FADS2: variants seen among roughly 807,000 people sequenced by gnomAD.
The protein encoded by FADS2 is acyl-CoA 6-desaturase.
A neutral mutation model predicts 61.2 loss-of-function variants in FADS2; 18 were observed. The ratio of observed to expected loss-of-function variants is 0.29; its 90% CI spans 0.20 to 0.44. The LOEUF is 0.44. Ranked by LOEUF, FADS2 falls within the 20% of genes least tolerant of loss-of-function variation. The pLI is 1.00. For synonymous variants in FADS2, 203 were observed against 223.9 expected (o/e 0.91, Z 0.83); for missense variants, 322 against 572.7 (o/e 0.56, Z 4.47).
At position 61,857,062 on chromosome 11, in the gene FADS2, T is replaced by G; in HGVS notation, c.796T>G (p.Phe266Val). The G allele has an allele frequency of 6.2e-7, 1 of 1,613,890 alleles. No individual in the cohort carries two copies. Reference sequence around the variant, plus strand: ...GCCCTACAATCACCAGCACGAATACTTCTTCCTGAGTGAGTGCTCGGCGCC... The same window carrying G: ...GCCCTACAATCACCAGCACGAATACGTCTTCCTGAGTGAGTGCTCGGCGCC... ...YLPYNHQHEY[F>V]FLIGPPLLIP... Residue 266 changes from phenylalanine (F) to valine (V), a missense_variant, in exon 6 of 12, where the codon TTC becomes GTC. Physicochemically the swap from Phe to Val is conservative, Grantham distance 50. Around this residue, in one of 3 missense-constraint regions of FADS2, gnomAD observed 221 missense variants for 427.9 expected, o/e 0.52. Coordinates refer to ENST00000278840, the MANE Select transcript of FADS2 (RefSeq NM_004265.4).
intron 1 of FADS2, among the ~76,000 whole-genome samples, chr11:61,832,945 C>G (rs1181015294): frequency 6.6e-6 from 1 of 152,184 alleles, no homozygotes; most frequent in Non-Finnish European, 1.5e-5. Flanking sequence ...ATGGGCACGG[C>G]CATAAACAAA....
At chr11:61,817,341 C>T (rs1042143297) in intron 1 of FADS2, 4 of 190,982 alleles carry the variant, frequency 2.1e-5, no homozygotes, top group Non-Finnish European at 3.2e-5. Context: ...CTGCTTGCCA[C>T]GTCGTGCCGC....
chr11:61,841,483 G>A (rs2067216410), intron 4 of FADS2, among the ~76,000 whole-genome samples: 1 of 150,898 alleles, frequency 6.6e-6, no homozygotes. Context: ...AGAATTGCTT[G>A]AGCCCAGGAG....
intron 4 of FADS2, among the ~76,000 whole-genome samples, chr11:61,842,046 C>T (rs567977407): frequency 6.6e-6 from 1 of 152,346 alleles, no homozygotes; most frequent in Non-Finnish European, 1.5e-5. Flanking sequence ...CTATCCCCAT[C>T]CCAGCCTGAC....
At chr11:61,824,553 T>C (rs1044460376), upstream of FADS2, among the ~76,000 whole-genome samples, 2 of 150,652 alleles carry the variant, frequency 1.3e-5, no homozygotes, top group Non-Finnish European at 3.0e-5. Context: ...CTTTTTATCA[T>C]GAGGAAACTG....
rs372068803 is a variant in FADS2 at position 61,820,420 on chromosome 11, A to T, written c.141+3994A>T. On this transcript the variant is annotated intron_variant, in intron 1 of 11. Coordinates refer to the FADS2 transcript ENST00000257261. The stretch of plus-strand genomic sequence containing the variant: ...TAAATTCATCTTACTCAGGATTTAA[A>T]CAGCTTATATGACATGACTTTGCAT... 8.1e-4 allele frequency among the ~76,000 whole-genome samples: 124 copies of T among 152,150 alleles called. 1 individual carries two copies. The highest frequency in any genetic ancestry group is 1.6e-3 in the Non-Finnish European group (108 of 68,032).
At chr11:61,864,639 C>G (rs1405109162) in intron 10 of FADS2, among the ~76,000 whole-genome samples, 1 of 152,176 alleles carries the variant, frequency 6.6e-6, no homozygotes, top group Non-Finnish European at 1.5e-5. Flanking sequence ...AAGTGATCCA[C>G]CTGCGTTGGC....
chr11:61,841,803 G>C (rs2067219012), intron 4 of FADS2, among the ~76,000 whole-genome samples: 1 of 152,122 alleles, frequency 6.6e-6, no homozygotes, highest in Non-Finnish European at 1.5e-5. Flanking sequence ...GCCTCAGATA[G>C]GGGACACCAA....
At chr11:61,842,166 A>C (rs576542189) in intron 4 of FADS2, among the ~76,000 whole-genome samples, 15 of 152,282 alleles carry the variant, frequency 9.9e-5, no homozygotes, top group Admixed American at 7.2e-4. Flanking sequence ...TCTTCCACCC[A>C]GACCGCAACG....
intron 10 of FADS2, 84 bp downstream of exon 10, chr11:61,863,870 G>A: frequency 9.3e-7 from 1 of 1,078,000 alleles, no homozygotes; most frequent in South Asian, 1.3e-5. Flanking sequence ...TGCAGAATGT[G>A]GGGGCCACCT....
chr11:61,835,538 C>T (rs1419815412), intron 1 of FADS2, among the ~76,000 whole-genome samples: 1 of 151,216 alleles, frequency 6.6e-6, no homozygotes, highest in African/African-American at 2.4e-5. Context: ...GGATTACGGG[C>T]GTGTGCCACC....
chr11:61,837,701 G>A, intron 1 of FADS2, 77 bp from the exon 2 acceptor site: 1 of 981,914 alleles, frequency 1.0e-6, no homozygotes. Context: ...GCTGTTGCTG[G>A]TGAGCACTGT....
chr11:61,859,752 C>T (rs747922676), intron 7 of FADS2, among the ~76,000 whole-genome samples: 4 of 134,750 alleles, frequency 3.0e-5, no homozygotes, highest in Non-Finnish European at 4.7e-5. Flanking sequence ...TTTGAGAGGC[C>T]GAGGCGGGCA....
chr11:61,850,296 T>G (rs1366939900), intron 5 of FADS2, among the ~76,000 whole-genome samples: 1 of 152,102 alleles, frequency 6.6e-6, no homozygotes, highest in Non-Finnish European at 1.5e-5. Context: ...TCTTGCCCAG[T>G]CTAGAGTGCA....
intron 5 of FADS2, among the ~76,000 whole-genome samples, chr11:61,850,271 GAC>G (rs2067294538): frequency 6.6e-6 from 1 of 150,750 alleles, no homozygotes; most frequent in Non-Finnish European, 1.5e-5. Context: ...TTTTTTTTGA[GAC>G]AGAGTCTTAC....
intron 4 of FADS2, among the ~76,000 whole-genome samples, chr11:61,846,148 T>C (rs56331718): frequency 1.3e-5 from 2 of 150,760 alleles, no homozygotes; most frequent in Non-Finnish European, 3.0e-5. Flanking sequence ...TTTTTTTTTT[T>C]TGAGACAGAC....
chr11:61,858,251 CA>C (rs34212714), intron 7 of FADS2, among the ~76,000 whole-genome samples: 76,118 of 151,822 alleles, frequency 0.5, 21,342 homozygotes, highest in East Asian at 0.68. Flanking sequence ...GATCTCGACT[CA>C]ACTGCAACCT....
At position 61,837,835 on chromosome 11, in the gene FADS2, C is replaced by T. The variant is rs1247385323; in HGVS notation, c.265C>T (p.Leu89=). 6.2e-7 allele frequency: 1 copy of T among 1,613,858 alleles called. No individual in the cohort carries two copies. The highest frequency in any genetic ancestry group is 8.5e-7 in the Non-Finnish European group (1 of 1,179,952). ...LEFVGKFLKP[L]LIGELAPEEP... ...ATTCGTGGGCAAGTTCTTGAAACCC[C>T]TGCTGATTGGTGAACTGGCCCCGGA... is the stretch of plus-strand genomic sequence containing the variant. The change falls in exon 2 of 12, where the codon CTG becomes TTG. Residue 89 remains leucine, a synonymous_variant. Coordinates refer to ENST00000278840, the MANE Select transcript of FADS2 (RefSeq NM_004265.4).
At chr11:61,817,159 A>G (rs6591659) in intron 1 of FADS2, 345,565 of 352,608 alleles carry the variant, frequency 0.98, 169,704 homozygotes, top group East Asian at 1. Context: ...TGCAGGAGTG[A>G]ATGGACTGAG....
Sources: allele counts gnomAD v4.1 joint callset (sites outside exome capture counted in the v4.1 genomes callset), GRCh38; gene constraint gnomAD v4.1.1; regional missense constraint gnomAD v4.1.1; transcripts MANE v1.5; gene names NCBI Gene and HGNC (gene_info 2026-07-23, HGNC 2026-07-21).